CCDC197: variants seen among roughly 807,000 people sequenced by gnomAD.
CCDC197 encodes the protein uncharacterized protein CCDC197.
A neutral mutation model predicts 13.4 loss-of-function variants in CCDC197; 24 were observed. The observed-to-expected ratio is 1.80, with a 90% CI of 1.30 to 2.53. The LOEUF (loss-of-function observed/expected upper bound fraction) is 2.53, where lower values mean the gene tolerates loss of function less well. CCDC197 is among the 30% of genes most tolerant of loss of function. The pLI is 0.00. For missense variants in CCDC197, 255 were observed against 148.8 expected (o/e 1.71, Z -3.71); for synonymous variants, 99 against 55.5 (o/e 1.78, Z -3.48).
chr14:94,005,072 C>A (rs1419417567), intron 6 of CCDC197, 101 bp downstream of exon 6: 6 of 624,824 alleles, frequency 9.6e-6, no homozygotes, highest in Admixed American at 2.4e-5. Context: ...TGTGTTTAGC[C>A]CCCCATCAGC....
upstream of CCDC197, among the ~76,000 whole-genome samples, chr14:93,996,410 C>A (rs1890308908): frequency 6.7e-6 from 1 of 148,620 alleles, no homozygotes; most frequent in African/African-American, 2.6e-5. Context: ...GCCCCTGCCC[C>A]TGAGCCCAGC....
intron 1 of CCDC197, among the ~76,000 whole-genome samples, chr14:93,989,356 C>G (rs1595346579): frequency 6.6e-6 from 1 of 152,274 alleles, no homozygotes; most frequent in South Asian, 2.1e-4. Context: ...GCAGTGACAT[C>G]CAGCACTGGG....
intron 2 of CCDC197, among the ~76,000 whole-genome samples, chr14:93,998,956 A>T (rs1468512685): frequency 6.6e-6 from 1 of 152,078 alleles, no homozygotes; most frequent in Non-Finnish European, 1.5e-5. Context: ...GCCAAGCCCC[A>T]CTCTGGTCTC....
chr14:93,995,081 G>A (rs111316425), upstream of CCDC197, among the ~76,000 whole-genome samples: 1,214 of 152,248 alleles, frequency 8.0e-3, 18 homozygotes, highest in African/African-American at 0.027. Flanking sequence ...CCCCTGCATG[G>A]AAGTGCTTAG....
In CCDC197 at chr14:94,003,228, C is replaced by T. The variant is rs138464691; in HGVS notation, c.372C>T (p.Leu124=). Residue 124 remains leucine (L), a synonymous_variant, in exon 5 of 7, where the codon CTC becomes CTT. Transcript: ENST00000636493. This position sits in a 1 kb window ranked among gnomAD's most constrained non-coding sequence, Gnocchi z 5.0. ...GCCCATTCCCTCTGCCCCAGAGCCT[C>T]AAGATCCGGCTGTGTCAGCTGCAGA... ...EEDHRALMLS[L]KIRLCQLQKK... The T allele has an allele frequency of 2.6e-3, 2,034 of 780,610 alleles. 36 individuals carry two copies. In the African/African-American group the frequency reaches 0.03, roughly 12 times the overall value. 48.4% of individuals were successfully genotyped at this position (780,610 alleles called of 1,614,324 possible).
At chr14:93,991,470 C>A (rs1040908038) in intron 1 of CCDC197, among the ~76,000 whole-genome samples, 1 of 152,272 alleles carries the variant, frequency 6.6e-6, no homozygotes, top group Middle Eastern at 3.4e-3. Context: ...GTGGTTGGTG[C>A]GAGAATCGTG....
chr14:94,005,695 C>T (rs1489352966), intron 6 of CCDC197, among the ~76,000 whole-genome samples: 1 of 152,224 alleles, frequency 6.6e-6, no homozygotes, highest in Non-Finnish European at 1.5e-5. Context: ...GCCATTACCC[C>T]TCTCTAATTC....
At chr14:94,001,494 C>T (rs1008319462) in intron 4 of CCDC197, 171 bp downstream of exon 4, 3 of 540,734 alleles carry the variant, frequency 5.5e-6, no homozygotes, top group Non-Finnish European at 9.8e-6. Context: ...CCCTTCCTCT[C>T]CCCTCTGCTG....
At chr14:94,010,450 C>T (rs1407609894), downstream of CCDC197, among the ~76,000 whole-genome samples, 6 of 152,182 alleles carry the variant, frequency 3.9e-5, no homozygotes, top group East Asian at 5.8e-4. Flanking sequence ...GTGATCCGCC[C>T]GCCTTGGCCT....
At chr14:93,998,260 C>T (rs1890382750) in intron 2 of CCDC197, 25 bp downstream of exon 2, 1 of 767,412 alleles carries the variant, frequency 1.3e-6, no homozygotes, top group Non-Finnish European at 2.4e-6. Context: ...ACCCCTGCCC[C>T]AGCCCCAGCC....
chr14:94,011,265 G>A (rs1207815140), downstream of CCDC197, among the ~76,000 whole-genome samples: 2 of 152,186 alleles, frequency 1.3e-5, no homozygotes, highest in Non-Finnish European at 1.5e-5. Context: ...CTGTGCCTTC[G>A]AGGGCTCTAT....
intron 1 of CCDC197, among the ~76,000 whole-genome samples, chr14:93,991,052 T>C (rs1346790049): frequency 2.0e-5 from 3 of 152,204 alleles, no homozygotes; most frequent in Non-Finnish European, 4.4e-5. Context: ...CTTTTCATGC[T>C]GAAGCACGAC....
downstream of CCDC197, among the ~76,000 whole-genome samples, chr14:94,009,238 C>A (rs977167880): frequency 6.6e-6 from 1 of 152,178 alleles, no homozygotes; most frequent in African/African-American, 2.4e-5. Flanking sequence ...GTTCACCTTG[C>A]CCACAGCAGT....
chr14:94,009,924 T>G (rs1391977874), downstream of CCDC197, among the ~76,000 whole-genome samples: 1 of 152,202 alleles, frequency 6.6e-6, no homozygotes, highest in East Asian at 1.9e-4. Flanking sequence ...GCTGTTAATT[T>G]ATCTAGGTAA....
upstream of CCDC197, chr14:93,997,218 T>A (rs533171920): frequency 1.3e-5 from 2 of 152,316 alleles, no homozygotes; most frequent in East Asian, 3.9e-4. Flanking sequence ...GATCCTGCAA[T>A]GGACACATCA....
chr14:93,988,881 C>T (rs372003563), intron 1 of CCDC197, among the ~76,000 whole-genome samples: 25 of 70,832 alleles, frequency 3.5e-4, no homozygotes, highest in African/African-American at 1.4e-3. Flanking sequence ...GGAGATGGGA[C>T]GAGGGGATGG....
At chr14:94,008,528 C>T in intron 6 of CCDC197, 81 bp from the exon 7 acceptor site, 1 of 669,922 alleles carries the variant, frequency 1.5e-6, no homozygotes, top group South Asian at 1.6e-5. Flanking sequence ...GTAGGTCAGC[C>T]TTTGATGATG....
At chr14:94,007,618 G>A (rs1174250588) in intron 6 of CCDC197, 2 of 152,186 alleles carry the variant, frequency 1.3e-5, no homozygotes, top group Non-Finnish European at 2.9e-5. Context: ...CACATCTTGT[G>A]TCATGAGTGG....
Position 94,001,240 on chromosome 14 carries a change from C to G in CCDC197, c.283C>G (p.Arg95Gly), listed in dbSNP as rs768320225. Residue 95 changes from arginine (R) to glycine (G), a missense_variant, in exon 4 of 7, where the codon CGC becomes GGC. By Grantham distance (125) the Arg-to-Gly change is moderately radical. Coordinates refer to ENST00000636493, the MANE Select transcript of CCDC197 (RefSeq NM_001351596.2). ...LFTASQDTQKRLEAFCQMIQA... is the reference protein window; with the variant it reads ...LFTASQDTQKGLEAFCQMIQA... ...CACAGCCAGCCAGGACACGCAGAAGCGCCTCGAGGCCTTCTGCCAGATGAT... is the reference window on the plus strand; with the variant it reads ...CACAGCCAGCCAGGACACGCAGAAGGGCCTCGAGGCCTTCTGCCAGATGAT... The G allele has an allele frequency of 1.3e-6, 1 of 780,876 alleles. No individual in the cohort carries two copies. The highest frequency in any genetic ancestry group is 1.7e-5 in the African/African-American group (1 of 59,266). The allele number at this position is 780,876 out of a possible 1,614,324, so 48.4% of individuals were successfully genotyped here.
Sources: allele counts gnomAD v4.1 joint callset (sites outside exome capture counted in the v4.1 genomes callset), GRCh38; gene constraint gnomAD v4.1.1; non-coding constraint Gnocchi (gnomAD v3.1); transcripts MANE v1.5; gene names NCBI Gene and HGNC (gene_info 2026-07-23, HGNC 2026-07-21).